Variants in EDA observed in about 807,000 individuals in gnomAD.
EDA encodes the protein ectodysplasin A.
Under a neutral mutation model 23.6 loss-of-function variants are expected in EDA, and 2 were observed. That is an observed-to-expected ratio of 0.08 (90% CI 0.03 to 0.27). The LOEUF (loss-of-function observed/expected upper bound fraction) is 0.27, where lower values mean the gene tolerates loss of function less well. EDA is among the 10% of genes least tolerant of loss of function. The pLI is 1.00. For missense variants in EDA, 229 were observed against 324.2 expected (o/e 0.71, Z 2.26); for synonymous variants, 131 against 132.0 (o/e 0.99, Z 0.05).
rs922536745 is a variant in EDA at position 69,715,842 on chromosome X, GT to G, written c.396+99147del. ...TTTTTCTAATGATCAGTGATATTGAGTTTTTTTTTCATGTGCTTGTTGGCTG... is the reference window on the plus strand; with the variant it reads ...TTTTTCTAATGATCAGTGATATTGAGTTTTTTTTCATGTGCTTGTTGGCTG... On this transcript the variant is annotated intron_variant, in intron 1 of 7. Coordinates refer to ENST00000374552, the MANE Select transcript of EDA (RefSeq NM_001399.5). 8.2e-5 allele frequency among the ~76,000 whole-genome samples: 9 copies of G among 109,741 alleles called. No individual in the cohort carries two copies. The South Asian group carries it at 1.2e-3, about 14-fold the overall frequency.
At chrX:70,011,173 C>CCTACAGTTT (rs1263075904) in intron 2 of EDA, among the ~76,000 whole-genome samples, 1 of 110,891 alleles carries the variant, frequency 9.0e-6, no homozygotes, top group African/African-American at 3.3e-5. Flanking sequence ...TAGTGGTTAC[C>CCTACAGTTT]CTACAGTTTG....
chrX:69,717,156 G>A (rs2804337), intron 1 of EDA, among the ~76,000 whole-genome samples: 37,021 of 109,963 alleles, frequency 0.34, 5,240 homozygotes, highest in Middle Eastern at 0.58. Context: ...GTTTTCAAGG[G>A]GAATGCTTCC....
intron 1 of EDA, among the ~76,000 whole-genome samples, chrX:69,703,645 G>T (rs941934944): frequency 7.2e-5 from 8 of 111,654 alleles, no homozygotes; most frequent in Non-Finnish European, 1.3e-4. Context: ...TAACTGCTAC[G>T]CAGTACCCTG....
At chrX:69,962,973 A>G (rs1189933931) in intron 2 of EDA, among the ~76,000 whole-genome samples, 1 of 111,817 alleles carries the variant, frequency 8.9e-6, no homozygotes, top group African/African-American at 3.3e-5. Flanking sequence ...ATCACAGCAA[A>G]TGATCACATC....
At chrX:70,029,721 T>C (rs949390969) in intron 5 of EDA, among the ~76,000 whole-genome samples, 183 bp downstream of exon 5, 8 of 112,847 alleles carry the variant, frequency 7.1e-5, no homozygotes, top group Non-Finnish European at 1.3e-4. Flanking sequence ...CCCCAGGGCA[T>C]GTTTTTAGCT....
chrX:69,618,573 C>A (rs1210630885), intron 1 of EDA, among the ~76,000 whole-genome samples: 1 of 111,619 alleles, frequency 9.0e-6, no homozygotes, highest in African/African-American at 3.3e-5. Flanking sequence ...AAGTGACTTG[C>A]CCAAGGTCAC....
intron 1 of EDA, among the ~76,000 whole-genome samples, chrX:69,619,055 A>G: frequency 8.9e-6 from 1 of 112,335 alleles, no homozygotes. Flanking sequence ...TCAGAATTCT[A>G]CATTGTGCTG....
chrX:69,751,854 A>G (rs1386105130), intron 1 of EDA, among the ~76,000 whole-genome samples: 1 of 107,915 alleles, frequency 9.3e-6, no homozygotes, highest in Non-Finnish European at 1.9e-5. Flanking sequence ...CTGTTATAAC[A>G]GAACAGAATC....
rs1050130968 is a variant in EDA, at chrX:69,727,011, G to A, written c.396+110307G>A. ...CTTGGTACCTGGGCTCTTTTCTGGC[G>A]TTCAAGAAGAATCAGGTCACACTGA... On this transcript the variant is annotated intron_variant, in intron 1 of 7. Transcript: ENST00000374552. Among the ~76,000 whole-genome samples, 3 of 111,887 alleles carry A rather than the reference G, an allele frequency of 2.7e-5. No homozygotes were observed. The South Asian group carries it at 1.1e-3, about 42-fold the overall frequency.
chrX:69,999,159 T>G (rs139159260), intron 2 of EDA, among the ~76,000 whole-genome samples: 452 of 111,956 alleles, frequency 4.0e-3, no homozygotes, highest in African/African-American at 0.014. Flanking sequence ...TAAAAAATCA[T>G]TGTAGCTGAG....
chrX:69,695,678 T>A (rs1218328073), intron 1 of EDA, among the ~76,000 whole-genome samples: 1 of 108,111 alleles, frequency 9.2e-6, no homozygotes, highest in African/African-American at 3.4e-5. Context: ...CCCAGCTAAT[T>A]TTTAGTAGAG....
intron 1 of EDA, among the ~76,000 whole-genome samples, chrX:69,710,969 T>C (rs1186630946): frequency 1.8e-5 from 2 of 111,402 alleles, no homozygotes; most frequent in Non-Finnish European, 3.8e-5. Context: ...CTTTTCCTAA[T>C]TGAATACTCT....
intron 2 of EDA, among the ~76,000 whole-genome samples, chrX:70,009,493 T>C (rs1164933955): frequency 4.4e-5 from 5 of 112,581 alleles, no homozygotes; most frequent in African/African-American, 1.6e-4. Context: ...CAAAATATAT[T>C]TTTAATTTTC....
chrX:69,982,654 G>C, intron 2 of EDA, among the ~76,000 whole-genome samples: 1 of 109,899 alleles, frequency 9.1e-6, no homozygotes, highest in Non-Finnish European at 1.9e-5. Context: ...TTTTACATTT[G>C]CTGAGGAGAG....
intron 1 of EDA, among the ~76,000 whole-genome samples, chrX:69,895,958 C>G (rs1326509956): frequency 2.7e-5 from 3 of 111,859 alleles, no homozygotes; most frequent in Non-Finnish European, 5.6e-5. Context: ...AAGAAAATAC[C>G]ACAAACTGTG....
chrX:69,938,106 T>C, intron 1 of EDA: 2 of 877,700 alleles, frequency 2.3e-6, no homozygotes, highest in Non-Finnish European at 3.2e-6. Flanking sequence ...GTCCTTTATT[T>C]ATGTACTTGT....
At chrX:70,029,695 G>C (rs991045901) in intron 5 of EDA, among the ~76,000 whole-genome samples, 157 bp downstream of exon 5, 8 of 112,688 alleles carry the variant, frequency 7.1e-5, no homozygotes, top group African/African-American at 2.6e-4. Context: ...CCATCTCTAT[G>C]AATAGAAAAG....
chrX:69,794,248 T>C (rs1213774379), intron 1 of EDA, among the ~76,000 whole-genome samples: 1 of 111,114 alleles, frequency 9.0e-6, no homozygotes, highest in Non-Finnish European at 1.9e-5. Context: ...CTTTGAGATA[T>C]AGGCAGAGCT....
intron 1 of EDA, among the ~76,000 whole-genome samples, chrX:69,637,826 A>C (rs1039359237): frequency 1.8e-5 from 2 of 111,300 alleles, no homozygotes; most frequent in African/African-American, 6.5e-5. Flanking sequence ...GCTTAGTAGT[A>C]GTAGTGTTCT....
Sources: allele counts gnomAD v4.1 joint callset (sites outside exome capture counted in the v4.1 genomes callset), GRCh38; gene constraint gnomAD v4.1.1; transcripts MANE v1.5; gene names NCBI Gene and HGNC (gene_info 2026-07-23, HGNC 2026-07-21).